Variants in TIAL1 observed in about 807,000 individuals in gnomAD.
TIAL1 encodes TIA1 cytotoxic granule associated RNA binding protein like 1, also known as nucleolysin TIAR.
TIAL1 carries 7 observed loss-of-function variants against 59.7 expected under a neutral mutation model. The ratio of observed to expected loss-of-function variants is 0.12; its 90% confidence interval spans 0.07 to 0.22. The LOEUF (loss-of-function observed/expected upper bound fraction) is 0.22. Among genes scored for constraint, TIAL1 ranks in the 10% least tolerant of loss-of-function variants. The pLI, the probability that TIAL1 is intolerant of heterozygous loss-of-function variation, is 1.00. For missense variants in TIAL1, 225 were observed against 462.5 expected, an observed-to-expected ratio of 0.49 and a Z score of 4.71; for synonymous variants, 149 against 146.3, an observed-to-expected ratio of 1.02 and a Z score of -0.13.
rs1846205737 is a variant in TIAL1, at chr10:119,596,511, TGGGGA to T, written c.-51_-47del. ...CCCGGGACAAGGGGGAGGGCAGGGT[TGGGGA>T]GGGGAGGGGGTGGGGAGGAAGGGGA... On this transcript the variant is annotated 5_prime_UTR_variant, in exon 1 of 12. Transcript: ENST00000436547. The T allele has an allele frequency of 7.6e-5, 4 of 52,346 alleles. No homozygotes were observed. Among genetic ancestry groups the T allele is most frequent in the African/African-American group, 7.1e-4 (1 of 1,402 alleles). 3.2% of individuals were successfully genotyped at this position (52,346 alleles called of 1,614,324 possible).
intron 1 of TIAL1, among the ~76,000 whole-genome samples, chr10:119,594,627 T>A (rs1006398229): frequency 1.3e-5 from 2 of 150,872 alleles, no homozygotes; most frequent in African/African-American, 4.9e-5. Flanking sequence ...AAGGATAAAA[T>A]TTTTTTTTTA....
chr10:119,595,036 T>C (rs979501153), intron 1 of TIAL1, among the ~76,000 whole-genome samples: 11 of 152,174 alleles, frequency 7.2e-5, no homozygotes, highest in Admixed American at 4.6e-4. Flanking sequence ...CATTGAAGCA[T>C]TGGATGTGCT....
At chr10:119,580,905 C>T in intron 5 of TIAL1, 1 of 972,290 alleles carries the variant, frequency 1.0e-6, no homozygotes. Flanking sequence ...AGAAAAACTG[C>T]AGGTCTCAGG....
At chr10:119,595,704 C>A (rs1846138928) in intron 1 of TIAL1, among the ~76,000 whole-genome samples, 1 of 152,176 alleles carries the variant, frequency 6.6e-6, no homozygotes, top group Non-Finnish European at 1.5e-5. Context: ...TAGGAAGAGG[C>A]AACACCTAGA....
At chr10:119,594,032 TG>T (rs892742834) in intron 1 of TIAL1, among the ~76,000 whole-genome samples, 7 of 147,966 alleles carry the variant, frequency 4.7e-5, no homozygotes, top group Admixed American at 2.0e-4. Flanking sequence ...CTAAGTGCTG[TG>T]GGGGTAAGAC....
At chr10:119,584,282 A>T (rs1845437535) in intron 2 of TIAL1, among the ~76,000 whole-genome samples, 1 of 152,130 alleles carries the variant, frequency 6.6e-6, no homozygotes, top group Admixed American at 6.5e-5. Context: ...TCACATCCCA[A>T]CTGTCAGATA....
chr10:119,575,489 A>G lies in TIAL1; in HGVS notation c.*176T>C. ...ATATCCATCATGAACAAAAACTTAAAAAGGCAGAACTAGAAGACACGTGTC... is the reference window on the plus strand; with the variant it reads ...ATATCCATCATGAACAAAAACTTAAGAAGGCAGAACTAGAAGACACGTGTC... On this transcript the variant is annotated 3_prime_UTR_variant, in exon 12 of 12. Transcript: ENST00000436547. 1 of 680,050 alleles carries G rather than the reference A, an allele frequency of 1.5e-6. No homozygotes were observed. The highest frequency in any genetic ancestry group is 2.3e-6 in the Non-Finnish European group (1 of 440,254). The allele number at this position is 680,050 out of a possible 1,614,324, so 42.1% of individuals were successfully genotyped here. A position where few individuals can be genotyped will look rare whatever the true frequency, so the allele number is the denominator to read the frequency against.
rs1589895321 is a variant in TIAL1 at position 119,596,962 on chromosome 10, T to C, written c.-497A>G. The C allele has an allele frequency of 2.3e-5, 4 of 171,026 alleles. No homozygotes were observed. In the South Asian group the frequency reaches 4.4e-4, roughly 19 times the overall value. 10.6% of individuals were successfully genotyped at this position (171,026 alleles called of 1,614,324 possible). On this transcript the variant is annotated 5_prime_UTR_variant, in exon 1 of 12. Coordinates refer to ENST00000436547, the MANE Select transcript of TIAL1 (RefSeq NM_003252.4). ...TGGAAATGAGAGAGGGAAGCACTTC[T>C]GCAGAGGACTTCTGGAACCTGTGGT...
At position 119,588,164 on chromosome 10, in the gene TIAL1, T is replaced by C; in HGVS notation, c.117A>G (p.Lys39=). 1 of 1,575,744 alleles carries C rather than the reference T, an allele frequency of 6.3e-7. No individual in the cohort carries two copies. The highest frequency in any genetic ancestry group is 8.6e-7 in the Non-Finnish European group (1 of 1,159,080). Residue 39 remains lysine (K), a synonymous_variant, in exon 2 of 12, where the codon AAA becomes AAG. Transcript: ENST00000436547. ...FSQIGPCKSC[K]MITEHTSNDP... ...GGGAAGATCTTACCTCTGTTATCAT[T>C]TTACAGCTTTTACAGGGTCCAATCT... is the stretch of plus-strand genomic sequence containing the variant.
At chr10:119,577,883 A>G in intron 7 of TIAL1, 147 bp from the exon 8 acceptor site, 1 of 644,368 alleles carries the variant, frequency 1.6e-6, no homozygotes. Flanking sequence ...TGAGGTCAGG[A>G]GTTCGAGACC....
At position 119,596,510 on chromosome 10, in the gene TIAL1, T is replaced by C; in HGVS notation, c.-45A>G. 1 of 155,388 alleles carries C rather than the reference T, an allele frequency of 6.4e-6. No homozygotes were observed. Among genetic ancestry groups the C allele is most frequent in the Non-Finnish European group, 1.4e-5 (1 of 71,044 alleles). The allele number at this position is 155,388 out of a possible 1,614,324, so 9.6% of individuals were successfully genotyped here. On this transcript the variant is annotated 5_prime_UTR_variant, in exon 1 of 12. Transcript: ENST00000436547. ...TCCCGGGACAAGGGGGAGGGCAGGGTTGGGGAGGGGAGGGGGTGGGGAGGA... is the reference window on the plus strand; with the variant it reads ...TCCCGGGACAAGGGGGAGGGCAGGGCTGGGGAGGGGAGGGGGTGGGGAGGA...
At position 119,575,653 on chromosome 10, in the gene TIAL1, T is replaced by A; in HGVS notation, c.*12A>T. ...CCTATCATGAATTACAATTTTTTTTTAGAGTCCCGGCTCACTGTGTTTGGT... is the reference window on the plus strand; with the variant it reads ...CCTATCATGAATTACAATTTTTTTTAAGAGTCCCGGCTCACTGTGTTTGGT... On this transcript the variant is annotated 3_prime_UTR_variant, in exon 12 of 12. Coordinates refer to ENST00000436547, the MANE Select transcript of TIAL1 (RefSeq NM_003252.4). 1 of 1,613,620 alleles carries A rather than the reference T, an allele frequency of 6.2e-7. No individual in the cohort carries two copies. Among genetic ancestry groups the A allele is most frequent in the Non-Finnish European group, 8.5e-7 (1 of 1,179,772 alleles).
Position 119,575,805 on chromosome 10 carries a change from G to GAAAAAA in TIAL1, c.1002-20_1002-15dup. The GAAAAAA allele has an allele frequency of 6.9e-7, 1 of 1,449,020 alleles. No individual in the cohort carries two copies. The highest frequency in any genetic ancestry group is 9.1e-7 in the Non-Finnish European group (1 of 1,100,116). The allele number at this position is 1,449,020 out of a possible 1,614,324, so 89.8% of individuals were successfully genotyped here. A position where few individuals can be genotyped will look rare whatever the true frequency, so the allele number is the denominator to read the frequency against. On this transcript the variant is annotated splice_polypyrimidine_tract_variant and intron_variant, in intron 11 of 11. Transcript: ENST00000436547. ...GAAGGTGATTGACTTGGAAGAAAAAGAAAAAATCTTCAGCAAACACAAGAA... is the reference window on the plus strand; with the variant it reads ...GAAGGTGATTGACTTGGAAGAAAAAGAAAAAAAAAAAATCTTCAGCAAACACAAGAA...
At chr10:119,590,786 AAG>A (rs1343917344) in intron 1 of TIAL1, among the ~76,000 whole-genome samples, 1 of 134,986 alleles carries the variant, frequency 7.4e-6, no homozygotes, top group African/African-American at 2.8e-5. Context: ...GAAAGAAAGA[AAG>A]AAAGAAAGAA....
intron 1 of TIAL1, chr10:119,592,049 ACTTT>A (rs1349345531): frequency 6.6e-6 from 1 of 152,158 alleles, no homozygotes; most frequent in Admixed American, 6.5e-5. Context: ...TCTACACTTC[ACTTT>A]CTTTCTGCTC....
intron 1 of TIAL1, 61 bp downstream of exon 1, chr10:119,596,373 C>T: frequency 6.3e-7 from 1 of 1,599,476 alleles, no homozygotes; most frequent in Non-Finnish European, 8.5e-7. Flanking sequence ...TGCTCCCTCC[C>T]TTAGCGTCCC....
chr10:119,581,876 A>C (rs1198211476), intron 5 of TIAL1, 46 bp downstream of exon 5: 1 of 1,371,304 alleles, frequency 7.3e-7, no homozygotes, highest in Admixed American at 1.7e-5. Flanking sequence ...AATCATATAC[A>C]ATTCTGCCTA....
chr10:119,578,543 AT>A (rs1845143535), intron 7 of TIAL1, among the ~76,000 whole-genome samples, 182 bp downstream of exon 7: 1 of 152,114 alleles, frequency 6.6e-6, no homozygotes, highest in Admixed American at 6.6e-5. Context: ...AGGTGAAAGG[AT>A]CACTTATACC....
chr10:119,581,787 A>C (rs1457975480), intron 5 of TIAL1, 135 bp downstream of exon 5: 11 of 730,684 alleles, frequency 1.5e-5, no homozygotes, highest in African/African-American at 3.5e-5. Context: ...AAAACAAACC[A>C]AAATAAATAA....
Sources: allele counts gnomAD v4.1 joint callset (sites outside exome capture counted in the v4.1 genomes callset), GRCh38; gene constraint gnomAD v4.1.1; transcripts MANE v1.5; gene names NCBI Gene and HGNC (gene_info 2026-07-23, HGNC 2026-07-21).